Variants in SERPINI1 observed in about 807,000 individuals in gnomAD.
SERPINI1 encodes the protein serpin family I member 1.
A neutral mutation model predicts 41.1 loss-of-function variants in SERPINI1; 19 were observed. That is an observed-to-expected ratio of 0.46 (90% confidence interval 0.32 to 0.68). The LOEUF is 0.68. Ranked by LOEUF, SERPINI1 falls within the 30% of genes least tolerant of loss-of-function variation. SERPINI1 has a pLI of 0.03. For missense variants in SERPINI1, 460 were observed against 479.2 expected, an observed-to-expected ratio of 0.96 and a Z score of 0.37; for synonymous variants, 138 against 156.6, an observed-to-expected ratio of 0.88 and a Z score of 0.89.
At chr3:167,819,196 T>C (rs1577436284) in intron 6 of SERPINI1, among the ~76,000 whole-genome samples, 2 of 152,204 alleles carry the variant, frequency 1.3e-5, no homozygotes, top group Non-Finnish European at 2.9e-5. Flanking sequence ...TTATTTTACA[T>C]AGAGATGAAG....
intron 1 of SERPINI1, among the ~76,000 whole-genome samples, chr3:167,753,207 A>G (rs1383119021): frequency 1.3e-5 from 2 of 152,080 alleles, no homozygotes; most frequent in African/African-American, 2.4e-5. Flanking sequence ...GAAATGTGGT[A>G]TGGTTTCAAA....
chr3:167,770,648 A>G (rs1212279641), intron 1 of SERPINI1, among the ~76,000 whole-genome samples: 4 of 152,136 alleles, frequency 2.6e-5, no homozygotes, highest in Non-Finnish European at 4.4e-5. Flanking sequence ...TCAATATTGC[A>G]TATTCCTATT....
In SERPINI1 at chr3:167,770,607, TTAGTA is replaced by T. The variant is rs1560001522; in HGVS notation, c.-18-18501_-18-18497del. Among the ~76,000 whole-genome samples, 4 of 152,142 alleles carry T rather than the reference TTAGTA, an allele frequency of 2.6e-5. No individual in the cohort carries two copies. In the South Asian group the frequency reaches 8.3e-4, roughly 31 times the overall value. ...TTTTTATTGAAATTTTATTAAATGTTTAGTATAATATAGGGAGAACTGACATCTTT... is the reference window on the plus strand; with the variant it reads ...TTTTTATTGAAATTTTATTAAATGTTTAATATAGGGAGAACTGACATCTTT... On this transcript the variant is annotated intron_variant, in intron 1 of 8. Coordinates refer to ENST00000446050, the MANE Select transcript of SERPINI1 (RefSeq NM_001122752.2).
At position 167,825,399 on chromosome 3, in the gene SERPINI1, T is replaced by C; in HGVS notation, c.*76T>C. 1.1e-6 allele frequency: 1 copy of C among 897,740 alleles called. No individual in the cohort carries two copies. The highest frequency in any genetic ancestry group is 1.9e-6 in the Non-Finnish European group (1 of 527,782). The allele number at this position is 897,740 out of a possible 1,614,324, so 55.6% of individuals were successfully genotyped here. A position where few individuals can be genotyped will look rare whatever the true frequency, so the allele number is the denominator to read the frequency against. ...GCAACTGGTATATATTTAGGATTTG[T>C]GTTTTACAGTATATCTTAAGATAAT... On this transcript the variant is annotated 3_prime_UTR_variant, in exon 9 of 9. Coordinates refer to ENST00000446050, the MANE Select transcript of SERPINI1 (RefSeq NM_001122752.2).
chr3:167,820,912 C>T (rs542483821), intron 6 of SERPINI1, among the ~76,000 whole-genome samples: 1 of 152,146 alleles, frequency 6.6e-6, no homozygotes, highest in Non-Finnish European at 1.5e-5. Flanking sequence ...TCAGCACATA[C>T]TTCCTCCCCT....
intron 6 of SERPINI1, among the ~76,000 whole-genome samples, chr3:167,818,669 C>G (rs540652297): frequency 6.6e-6 from 1 of 151,816 alleles, no homozygotes; most frequent in Non-Finnish European, 1.5e-5. Context: ...CTCTTTCTGC[C>G]GTAAGTACCT....
rs1727572812 is a variant in SERPINI1, at chr3:167,792,729, T to C, written c.621T>C (p.Asp207=). The change falls in exon 4 of 9, where the codon GAT becomes GAC. Residue 207 remains aspartate (D), a synonymous_variant. Coordinates refer to ENST00000446050, the MANE Select transcript of SERPINI1 (RefSeq NM_001122752.2). ...ENTRTFSFTK[D]DESEVQIPMM... The stretch of plus-strand genomic sequence containing the variant: ...CTAGAACCTTTTCTTTCACTAAAGA[T>C]GATGAAAGTGAAGTCCAAATTCCAA... 1 of 1,613,846 alleles carries C rather than the reference T, an allele frequency of 6.2e-7. No homozygotes were observed. Among genetic ancestry groups the C allele is most frequent in the Non-Finnish European group, 8.5e-7 (1 of 1,179,860 alleles).
At chr3:167,763,255 T>G (rs1577404903) in intron 1 of SERPINI1, among the ~76,000 whole-genome samples, 1 of 152,254 alleles carries the variant, frequency 6.6e-6, no homozygotes, top group Middle Eastern at 3.4e-3. Flanking sequence ...TCACAGCTAG[T>G]AGATTGCAAA....
chr3:167,739,390 GCTTACAC>G (rs1269740139), intron 1 of SERPINI1, among the ~76,000 whole-genome samples: 10 of 152,156 alleles, frequency 6.6e-5, no homozygotes, highest in Admixed American at 6.5e-4. Flanking sequence ...CAGAATGATT[GCTTACAC>G]ATTAGTCCTT....
intron 1 of SERPINI1, among the ~76,000 whole-genome samples, chr3:167,770,835 A>G (rs11927026): frequency 0.13 from 19,516 of 152,174 alleles, 1,523 homozygotes; most frequent in African/African-American, 0.21. Flanking sequence ...AGCTCTCACT[A>G]ACCTTTATTT....
At chr3:167,756,506 C>T (rs1726197210) in intron 1 of SERPINI1, among the ~76,000 whole-genome samples, 1 of 152,014 alleles carries the variant, frequency 6.6e-6, no homozygotes, top group Non-Finnish European at 1.5e-5. Context: ...GATAGAGTTT[C>T]ACCATGTTAC....
At chr3:167,813,553 G>C (rs761268276) in intron 6 of SERPINI1, among the ~76,000 whole-genome samples, 22 of 152,104 alleles carry the variant, frequency 1.4e-4, no homozygotes, top group Non-Finnish European at 2.6e-4. Context: ...CTTACTAATT[G>C]TTTAAGAGCA....
chr3:167,819,164 T>C (rs1712227328), intron 6 of SERPINI1, among the ~76,000 whole-genome samples: 1 of 152,104 alleles, frequency 6.6e-6, no homozygotes, highest in Admixed American at 6.5e-5. Context: ...ATTACTATTT[T>C]AAAATTAAAA....
intron 6 of SERPINI1, among the ~76,000 whole-genome samples, chr3:167,811,000 C>T (rs1184059186): frequency 2.0e-5 from 3 of 152,094 alleles, no homozygotes; most frequent in African/African-American, 7.2e-5. Context: ...GAGATAGCAG[C>T]AATCTAGTCA....
chr3:167,770,035 T>G (rs1429192851), intron 1 of SERPINI1, among the ~76,000 whole-genome samples: 1 of 151,582 alleles, frequency 6.6e-6, no homozygotes, highest in African/African-American at 2.4e-5. Context: ...TTACTTTTTT[T>G]TTTTTTAATG....
chr3:167,760,260 A>G (rs946287291), intron 1 of SERPINI1, among the ~76,000 whole-genome samples: 1 of 151,988 alleles, frequency 6.6e-6, no homozygotes, highest in East Asian at 1.9e-4. Flanking sequence ...TGTCTCATCA[A>G]TTCCTCTGGG....
intron 1 of SERPINI1, among the ~76,000 whole-genome samples, chr3:167,772,860 CTCTCTA>C (rs1214573850): frequency 8.5e-5 from 2 of 23,476 alleles, no homozygotes; most frequent in Non-Finnish European, 1.5e-4. Context: ...CTCTCTCTCT[CTCTCTA>C]TATATATATA....
Position 167,825,383 on chromosome 3 carries a change from A to G in SERPINI1, c.*60A>G. On this transcript the variant is annotated 3_prime_UTR_variant, in exon 9 of 9. Transcript: ENST00000446050. ...TAAGCACATTATGTTTGCAACTGGT[A>G]TATATTTAGGATTTGTGTTTTACAG... 1.9e-6 allele frequency: 2 copies of G among 1,029,774 alleles called. No individual in the cohort carries two copies. Among genetic ancestry groups the G allele is most frequent in the Non-Finnish European group, 3.1e-6 (2 of 646,760 alleles). 63.8% of individuals were successfully genotyped at this position (1,029,774 alleles called of 1,614,324 possible). A position where few individuals can be genotyped will look rare whatever the true frequency, so the allele number is the denominator to read the frequency against.
At chr3:167,763,094 T>G (rs1482370807) in intron 1 of SERPINI1, among the ~76,000 whole-genome samples, 1 of 152,112 alleles carries the variant, frequency 6.6e-6, no homozygotes, top group Non-Finnish European at 1.5e-5. Context: ...AATCATTCAT[T>G]CAGCAAACAT....
Sources: gnomAD v4.1 joint callset for allele counts (sites outside exome capture counted in the v4.1 genomes callset) on GRCh38, gnomAD v4.1.1 for gene constraint, MANE v1.5 for transcripts, NCBI Gene and HGNC (gene_info 2026-07-23, HGNC 2026-07-21) for gene names.